Variants in TENM3 observed in about 807,000 individuals in gnomAD.
TENM3 encodes teneurin-3.
In TENM3, 63 loss-of-function variants were observed where a neutral mutation model predicts 255.1. The observed-to-expected ratio is 0.25, with a 90% confidence interval of 0.20 to 0.30. The LOEUF (loss-of-function observed/expected upper bound fraction) is 0.30, where lower values mean the gene tolerates loss of function less well. Ranked by LOEUF, TENM3 falls within the 10% of genes least tolerant of loss-of-function variation. The pLI is 1.00. For missense variants in TENM3, 2,929 were observed against 3,461.1 expected (o/e 0.85, Z 3.86); for synonymous variants, 1,306 against 1,322.3 (o/e 0.99, Z 0.27).
chr4:181,955,990 A>T, the TENM3 span, among the ~76,000 whole-genome samples: 1 of 152,338 alleles, frequency 6.6e-6, no homozygotes, highest in Middle Eastern at 3.4e-3. Context: ...ACAGAATATC[A>T]TAAACTGCAT....
At chr4:181,630,316 G>GTT in the TENM3 span, among the ~76,000 whole-genome samples, 2 of 151,916 alleles carry the variant, frequency 1.3e-5, no homozygotes, top group Non-Finnish European at 2.9e-5. Flanking sequence ...TTTTTGAAGG[G>GTT]TTTTTTTGTG....
the TENM3 span, among the ~76,000 whole-genome samples, chr4:181,580,214 G>A: frequency 2.0e-5 from 3 of 151,882 alleles, no homozygotes; most frequent in African/African-American, 7.3e-5. Flanking sequence ...CTCAGGCTGG[G>A]CTTGAACTCC....
chr4:182,248,489 A>T (rs1269923408), intron 1 of TENM3, among the ~76,000 whole-genome samples: 2 of 152,042 alleles, frequency 1.3e-5, no homozygotes, highest in East Asian at 3.8e-4. Flanking sequence ...CTCTGCTGAA[A>T]AGTGATGACA....
rs1198043817 is a variant in TENM3 at position 182,448,980 on chromosome 4, G to C, written c.511+102051G>C. ...CATGTCTGGCCGCCGCGCGCAGCCCGAGCCCGGAGCCAGGCGCTGTAACAC... is the reference window on the plus strand; with the variant it reads ...CATGTCTGGCCGCCGCGCGCAGCCCCAGCCCGGAGCCAGGCGCTGTAACAC... On this transcript the variant is annotated intron_variant, in intron 3 of 27. Coordinates refer to ENST00000511685, the MANE Select transcript of TENM3 (RefSeq NM_001080477.4). 21 of 399,078 alleles carry C rather than the reference G, an allele frequency of 5.3e-5. No individual in the cohort carries two copies. In the East Asian group the frequency reaches 2.3e-3, roughly 44 times the overall value. 24.7% of individuals were successfully genotyped at this position (399,078 alleles called of 1,614,324 possible). A position where few individuals can be genotyped will look rare whatever the true frequency, so the allele number is the denominator to read the frequency against.
the TENM3 span, among the ~76,000 whole-genome samples, chr4:181,690,037 G>A: frequency 1.3e-5 from 2 of 152,132 alleles, no homozygotes; most frequent in African/African-American, 4.8e-5. Context: ...CATATTGAAC[G>A]TGTCAATCTC....
the TENM3 span, among the ~76,000 whole-genome samples, chr4:181,772,607 C>T: frequency 2.0e-5 from 3 of 152,132 alleles, no homozygotes; most frequent in Admixed American, 6.6e-5. Context: ...ACTTTTATCA[C>T]TATAATCCCT....
the TENM3 span, among the ~76,000 whole-genome samples, chr4:181,757,248 A>G: frequency 6.6e-6 from 1 of 152,204 alleles, no homozygotes; most frequent in African/African-American, 2.4e-5. Context: ...CCAGCAGCAC[A>G]CCTTCCAATA....
the TENM3 span, among the ~76,000 whole-genome samples, chr4:181,786,479 A>G: frequency 6.6e-6 from 1 of 152,152 alleles, no homozygotes; most frequent in Admixed American, 6.5e-5. Context: ...ACACTAAAGA[A>G]GGTGAGGGAT....
chr4:182,722,336 CT>C (rs1246578339), intron 13 of TENM3, among the ~76,000 whole-genome samples: 35 of 151,840 alleles, frequency 2.3e-4, no homozygotes, highest in African/African-American at 8.2e-4. Flanking sequence ...GCTTCTAAGC[CT>C]TTTCAACTGT....
intron 3 of TENM3, among the ~76,000 whole-genome samples, chr4:182,551,221 A>T (rs1197226123): frequency 2.2e-4 from 7 of 32,020 alleles, no homozygotes; most frequent in African/African-American, 3.6e-4. Flanking sequence ...ACTCCATCTA[A>T]AAAAAAAAAA....
the TENM3 span, among the ~76,000 whole-genome samples, chr4:181,556,260 CAG>C: frequency 6.6e-6 from 1 of 152,086 alleles, no homozygotes; most frequent in African/African-American, 2.4e-5. Context: ...CAGTACCTGA[CAG>C]AATTTTTTTT....
chr4:182,123,155 A>ATTG, the TENM3 span, among the ~76,000 whole-genome samples: 20 of 151,846 alleles, frequency 1.3e-4, no homozygotes, highest in Non-Finnish European at 2.4e-4. Context: ...TTTTGTTGTT[A>ATTG]TTGTTGTTGT....
the TENM3 span, among the ~76,000 whole-genome samples, chr4:181,962,626 A>G: frequency 3.3e-5 from 5 of 152,248 alleles, no homozygotes; most frequent in Non-Finnish European, 7.3e-5. Flanking sequence ...TAAAACAACC[A>G]GTATAAGTTA....
the TENM3 span, among the ~76,000 whole-genome samples, chr4:181,448,021 C>T: frequency 6.6e-6 from 1 of 151,748 alleles, no homozygotes; most frequent in Non-Finnish European, 1.5e-5. Flanking sequence ...AACTCGCAAG[C>T]AGAGAGAGAC....
chr4:182,784,313 G>C (rs1035668772), intron 24 of TENM3, among the ~76,000 whole-genome samples: 4 of 152,138 alleles, frequency 2.6e-5, no homozygotes, highest in South Asian at 4.2e-4. Flanking sequence ...ATACCCTGCC[G>C]TGTGAGGTGT....
rs563352981 is a variant in TENM3, at chr4:182,645,848, T to A, written c.989-7923T>A. 5.3e-5 allele frequency among the ~76,000 whole-genome samples: 8 copies of A among 152,346 alleles called. No homozygotes were observed. In the East Asian group the frequency reaches 1.5e-3, roughly 29 times the overall value. On this transcript the variant is annotated intron_variant, in intron 5 of 27. Coordinates refer to ENST00000511685, the MANE Select transcript of TENM3 (RefSeq NM_001080477.4). ...AAGAGACATTGCATTATTTCTGCCA[T>A]ATGCTTTCCATTGTAAGCAAGTCAC...
At chr4:181,660,911 T>TATC in the TENM3 span, among the ~76,000 whole-genome samples, 1 of 152,206 alleles carries the variant, frequency 6.6e-6, no homozygotes, top group Non-Finnish European at 1.5e-5. Flanking sequence ...ATCCATGCTT[T>TATC]ATCTTACTTT....
At chr4:181,875,479 A>C in the TENM3 span, among the ~76,000 whole-genome samples, 2 of 150,934 alleles carry the variant, frequency 1.3e-5, no homozygotes, top group Middle Eastern at 6.9e-3. Flanking sequence ...ATTCTCTAAC[A>C]CTCTGAAATA....
At chr4:182,651,989 T>A (rs1056451727) in intron 5 of TENM3, among the ~76,000 whole-genome samples, 3 of 152,228 alleles carry the variant, frequency 2.0e-5, no homozygotes, top group Non-Finnish European at 2.9e-5. Flanking sequence ...AGTAAAGCAG[T>A]CATTCATCCG....
Sources: allele counts gnomAD v4.1 joint callset (sites outside exome capture counted in the v4.1 genomes callset), GRCh38; gene constraint gnomAD v4.1.1; transcripts MANE v1.5; gene names NCBI Gene and HGNC (gene_info 2026-07-23, HGNC 2026-07-21).